The following ATP2B2 variants were observed in gnomAD, a reference collection of about 807,000 sequenced individuals.
ATP2B2 encodes plasma membrane calcium-transporting ATPase 2.
ATP2B2 carries 15 observed loss-of-function variants against 120.0 expected under a neutral mutation model. The ratio of observed to expected loss-of-function variants is 0.12; its 90% CI spans 0.08 to 0.19. ATP2B2 has a LOEUF of 0.19. Ranked by LOEUF, ATP2B2 falls within the 10% of genes least tolerant of loss-of-function variation. The pLI, the probability that ATP2B2 is intolerant of heterozygous loss-of-function variation, is 1.00. For synonymous variants in ATP2B2, 694 were observed against 700.3 expected, an observed-to-expected ratio of 0.99 and a Z score of 0.14; for missense variants, 1,045 against 1,719.8, an observed-to-expected ratio of 0.61 and a Z score of 6.94.
chr3:10,412,283 G>A (rs908687531), intron 2 of ATP2B2, among the ~76,000 whole-genome samples: 19 of 152,218 alleles, frequency 1.2e-4, no homozygotes, highest in African/African-American at 4.6e-4. Context: ...CTTGGAAGAG[G>A]GGCCTGGAAG....
chr3:10,666,488 C>T (rs931947547), intron 1 of ATP2B2, among the ~76,000 whole-genome samples: 2 of 152,212 alleles, frequency 1.3e-5, no homozygotes, highest in Non-Finnish European at 2.9e-5. Flanking sequence ...CCACACCCCA[C>T]CAATGCCCAA....
intron 3 of ATP2B2, among the ~76,000 whole-genome samples, chr3:10,404,704 G>A (rs566443055): frequency 1.3e-5 from 2 of 152,290 alleles, no homozygotes; most frequent in South Asian, 4.2e-4. Context: ...CGGGAGGAGA[G>A]GAAATGGTGA....
chr3:10,348,060 C>CA (rs1473011193), intron 16 of ATP2B2, among the ~76,000 whole-genome samples: 1 of 152,106 alleles, frequency 6.6e-6, no homozygotes, highest in Non-Finnish European at 1.5e-5. Context: ...ATCACTCGGG[C>CA]AGCTCTTGGC....
At chr3:10,484,155 C>A (rs953025209) in intron 1 of ATP2B2, among the ~76,000 whole-genome samples, 1 of 152,140 alleles carries the variant, frequency 6.6e-6, no homozygotes, top group Non-Finnish European at 1.5e-5. Flanking sequence ...CTTTGGGTTT[C>A]CCAAGGTCCC....
In ATP2B2 at chr3:10,402,930, A is replaced by ATTT. The variant is rs141389425; in HGVS notation, c.398-585_398-583dup. 1.2e-3 allele frequency among the ~76,000 whole-genome samples: 184 copies of ATTT among 151,466 alleles called. No individual in the cohort carries two copies. Among genetic ancestry groups the ATTT allele is most frequent in the African/African-American group, 4.3e-3 (176 of 40,838 alleles). ...CATGAGAAAAGAGAGTAAGTGAGGT[A>ATTT]TTTTTCTTTTTTTCCAGAACAAAGG... On this transcript the variant is annotated intron_variant, in intron 3 of 22. Transcript: ENST00000360273. This position sits in a 1 kb window ranked among gnomAD's most constrained non-coding sequence, Gnocchi z 4.9.
chr3:10,475,701 C>T (rs1435622975), intron 1 of ATP2B2, among the ~76,000 whole-genome samples: 1 of 151,910 alleles, frequency 6.6e-6, no homozygotes, highest in East Asian at 2.0e-4. Context: ...GAAACTGAGA[C>T]TCAGAAAGAA....
At chr3:10,399,618 C>A (rs573969225) in intron 5 of ATP2B2, among the ~76,000 whole-genome samples, 19 of 152,238 alleles carry the variant, frequency 1.2e-4, no homozygotes, top group Admixed American at 2.6e-4. Context: ...CAGTGGCACA[C>A]AGTATGTGCT....
At chr3:10,698,410 C>T (rs2071770918) in intron 1 of ATP2B2, among the ~76,000 whole-genome samples, 1 of 152,152 alleles carries the variant, frequency 6.6e-6, no homozygotes, top group Non-Finnish European at 1.5e-5. Flanking sequence ...AGAGCTAATC[C>T]ACCTTTGATT....
chr3:10,581,435 GA>G (rs1428223843), intron 2 of ATP2B2, among the ~76,000 whole-genome samples: 1 of 152,196 alleles, frequency 6.6e-6, no homozygotes, highest in African/African-American at 2.4e-5. Context: ...GTTGGCCAGA[GA>G]ACTGGGGCAA....
At chr3:10,345,958 T>A in intron 17 of ATP2B2, 73 bp downstream of exon 17, 1 of 1,443,940 alleles carries the variant, frequency 6.9e-7, no homozygotes, top group South Asian at 1.2e-5. Flanking sequence ...GGCTCCTGAG[T>A]AGCCAGCCCA....
At position 10,633,154 on chromosome 3, in the gene ATP2B2, A is replaced by G. The variant is rs190108476; in HGVS notation, c.-459-13193T>C. The stretch of plus-strand genomic sequence containing the variant: ...CCTCCCAGCTGTGTGACCTTGGATG[A>G]GTGACTTGACCTCTCTGAGTTTCTC... On this transcript the variant is annotated intron_variant, in intron 1 of 21. Coordinates refer to the ATP2B2 transcript ENST00000646379. 3.5e-3 allele frequency among the ~76,000 whole-genome samples: 538 copies of G among 152,356 alleles called. 1 individual carries two copies. The highest frequency in any genetic ancestry group is 8.4e-3 in the Admixed American group (128 of 15,308).
At position 10,328,548 on chromosome 3, in the gene ATP2B2, G is replaced by T; in HGVS notation, c.*266C>A. On this transcript the variant is annotated 3_prime_UTR_variant, in exon 23 of 23. Transcript: ENST00000360273. The stretch of plus-strand genomic sequence containing the variant: ...TGGTCCATGTCTGGGTGGGAGCCAG[G>T]AAGGGCTTGTTTTGGGAAAACCGCT... The T allele has an allele frequency of 3.7e-5, 17 of 458,836 alleles. No homozygotes were observed. Among genetic ancestry groups the T allele is most frequent in the Non-Finnish European group, 5.5e-5 (14 of 256,384 alleles). The allele number at this position is 458,836 out of a possible 1,614,324, so 28.4% of individuals were successfully genotyped here.
intron 2 of ATP2B2, among the ~76,000 whole-genome samples, chr3:10,578,355 T>C (rs1161903094): frequency 1.3e-5 from 2 of 151,096 alleles, no homozygotes; most frequent in African/African-American, 4.9e-5. Flanking sequence ...TCATCCTGGC[T>C]AACATGGTGA....
chr3:10,679,361 C>T (rs1033471066), intron 1 of ATP2B2, among the ~76,000 whole-genome samples: 3 of 152,194 alleles, frequency 2.0e-5, no homozygotes, highest in Non-Finnish European at 2.9e-5. Context: ...TATACACATC[C>T]ACCCTGTGCT....
At chr3:10,658,673 G>A (rs1223304188) in intron 1 of ATP2B2, among the ~76,000 whole-genome samples, 1 of 152,084 alleles carries the variant, frequency 6.6e-6, no homozygotes, top group African/African-American at 2.4e-5. Context: ...ACACTCTTCA[G>A]GATATTATCC....
At chr3:10,357,094 G>A (rs565532506) in intron 14 of ATP2B2, among the ~76,000 whole-genome samples, 9 of 152,224 alleles carry the variant, frequency 5.9e-5, no homozygotes, top group Non-Finnish European at 1.2e-4. Context: ...GGCAGGCTAG[G>A]CTGTATGTCT....
At chr3:10,488,225 T>C (rs1250246015) in intron 1 of ATP2B2, among the ~76,000 whole-genome samples, 1,338 of 63,246 alleles carry the variant, frequency 0.021, no homozygotes, top group Middle Eastern at 0.052. Context: ...ATCCATCCAC[T>C]CATCCACCTA....
chr3:10,643,969 T>C (rs2070245537), intron 1 of ATP2B2, among the ~76,000 whole-genome samples: 1 of 152,168 alleles, frequency 6.6e-6, no homozygotes, highest in Non-Finnish European at 1.5e-5. Flanking sequence ...AAGGACATTG[T>C]CAAGAAAGTG....
chr3:10,409,070 T>C (rs1006808446), intron 3 of ATP2B2, among the ~76,000 whole-genome samples: 1 of 152,264 alleles, frequency 6.6e-6, no homozygotes, highest in Non-Finnish European at 1.5e-5. Context: ...TCTATCATAA[T>C]AGCTCCCAAC....
Sources: allele counts gnomAD v4.1 joint callset (sites outside exome capture counted in the v4.1 genomes callset), GRCh38; gene constraint gnomAD v4.1.1; non-coding constraint Gnocchi (gnomAD v3.1); transcripts MANE v1.5; gene names NCBI Gene and HGNC (gene_info 2026-07-23, HGNC 2026-07-21).